Variants in MYT1L observed in about 807,000 individuals in gnomAD.
MYT1L encodes myelin transcription factor 1 like.
MYT1L carries 12 observed loss-of-function variants against 126.7 expected under a neutral mutation model. The observed-to-expected ratio is 0.09, with a 90% confidence interval of 0.06 to 0.15. The LOEUF (loss-of-function observed/expected upper bound fraction) is 0.15, where lower values mean the gene tolerates loss of function less well. Among genes scored for constraint, MYT1L ranks in the 10% least tolerant of loss-of-function variants. The pLI is 1.00. For synonymous variants in MYT1L, 541 were observed against 604.2 expected (o/e 0.90, Z 1.53); for missense variants, 979 against 1,585.2 (o/e 0.62, Z 6.49).
At chr2:2,222,145 A>AAT (rs1174238165) in intron 2 of MYT1L, among the ~76,000 whole-genome samples, 1 of 152,172 alleles carries the variant, frequency 6.6e-6, no homozygotes, top group Admixed American at 6.5e-5. Context: ...TGAAAAATAT[A>AAT]ATATATATTT....
intron 3 of MYT1L, among the ~76,000 whole-genome samples, chr2:2,099,844 T>G (rs567212611): frequency 7.2e-5 from 11 of 152,334 alleles, no homozygotes; most frequent in Middle Eastern, 3.4e-3. Flanking sequence ...AAGTGTAGCT[T>G]AAGTTATACC....
At chr2:1,802,796 C>T (rs1354957457) in intron 22 of MYT1L, among the ~76,000 whole-genome samples, 1 of 152,220 alleles carries the variant, frequency 6.6e-6, no homozygotes, top group Non-Finnish European at 1.5e-5. Flanking sequence ...TGGGTGTACA[C>T]AGAAGGAGAG....
chr2:1,964,511 T>C (rs989202495), intron 8 of MYT1L, among the ~76,000 whole-genome samples: 2 of 152,172 alleles, frequency 1.3e-5, no homozygotes, highest in Non-Finnish European at 2.9e-5. Context: ...ATAAACAGGG[T>C]GTGCCTGTAA....
At chr2:1,820,282 C>T (rs571845441) in intron 21 of MYT1L, among the ~76,000 whole-genome samples, 2 of 152,312 alleles carry the variant, frequency 1.3e-5, no homozygotes, top group Admixed American at 6.5e-5. Context: ...ATTCTTGTTT[C>T]CAGCATTGCT....
At chr2:1,800,867 C>A (rs564005624) in intron 23 of MYT1L, among the ~76,000 whole-genome samples, 1 of 152,056 alleles carries the variant, frequency 6.6e-6, no homozygotes, top group African/African-American at 2.4e-5. Flanking sequence ...AACCTCATCA[C>A]ACCGTGGCCT....
At chr2:2,187,314 C>T (rs1572276859) in intron 2 of MYT1L, among the ~76,000 whole-genome samples, 1 of 152,060 alleles carries the variant, frequency 6.6e-6, no homozygotes, top group East Asian at 1.9e-4. Flanking sequence ...CCAGCAATCA[C>T]GGGCACAATG....
chr2:2,162,773 T>C (rs1306634172), intron 3 of MYT1L, among the ~76,000 whole-genome samples: 3 of 152,208 alleles, frequency 2.0e-5, no homozygotes, highest in East Asian at 1.9e-4. Flanking sequence ...CATTTCTGAA[T>C]TCATGTTTTA....
intron 5 of MYT1L, among the ~76,000 whole-genome samples, chr2:1,992,626 A>G (rs1307947400): frequency 2.0e-5 from 3 of 152,184 alleles, no homozygotes; most frequent in Admixed American, 1.3e-4. Flanking sequence ...ATCTGACTTA[A>G]CCCACTCCAT....
intron 4 of MYT1L, among the ~76,000 whole-genome samples, chr2:2,003,199 G>C (rs565613088): frequency 1.3e-5 from 2 of 152,038 alleles, no homozygotes; most frequent in African/African-American, 2.4e-5. Context: ...TGCTCTGCAT[G>C]GGGGGCATCT....
chr2:1,872,748 C>T (rs960806454), intron 18 of MYT1L, among the ~76,000 whole-genome samples: 1 of 152,192 alleles, frequency 6.6e-6, no homozygotes, highest in Non-Finnish European at 1.5e-5. Flanking sequence ...CATTCATGGG[C>T]TGGTTCTTAC....
At chr2:2,021,006 C>T (rs1465207658) in intron 4 of MYT1L, among the ~76,000 whole-genome samples, 1 of 152,208 alleles carries the variant, frequency 6.6e-6, no homozygotes, top group East Asian at 1.9e-4. Flanking sequence ...GAGTCTGCGT[C>T]CTCAGGGTCC....
chr2:1,905,924 G>A (rs541405586), intron 13 of MYT1L, among the ~76,000 whole-genome samples: 23 of 152,246 alleles, frequency 1.5e-4, no homozygotes, highest in African/African-American at 5.3e-4. Flanking sequence ...ATTCTTGTGT[G>A]TCTGAATAAA....
intron 21 of MYT1L, chr2:1,827,439 G>A (rs2148225164): frequency 6.6e-6 from 1 of 152,294 alleles, no homozygotes; most frequent in East Asian, 1.9e-4. Flanking sequence ...CCCTGGCAAT[G>A]TGGTCCTCAT....
chr2:2,294,973 T>C lies in MYT1L; in HGVS notation c.-520-10470A>G, dbSNP rs111754323. On this transcript the variant is annotated intron_variant, in intron 1 of 24. Transcript: ENST00000647738. Reference sequence around the variant, plus strand: ...GTGATGTTCTTTTTTTTTTAGGTGGTGATCTCCCCTTCAATCTAGGTATTC... The same window carrying C: ...GTGATGTTCTTTTTTTTTTAGGTGGCGATCTCCCCTTCAATCTAGGTATTC... Among the ~76,000 whole-genome samples the C allele has an allele frequency of 9.6e-3, 1,462 of 152,176 alleles. 21 individuals are homozygous for C. The highest frequency in any genetic ancestry group is 0.033 in the African/African-American group (1,389 of 41,488).
chr2:2,052,120 A>G (rs1199964992), intron 4 of MYT1L, among the ~76,000 whole-genome samples: 1 of 152,230 alleles, frequency 6.6e-6, no homozygotes, highest in Non-Finnish European at 1.5e-5. Flanking sequence ...AGAACAGAAT[A>G]GAGAACCCAG....
chr2:2,171,538 T>G (rs2090050475), intron 3 of MYT1L, among the ~76,000 whole-genome samples: 1 of 152,170 alleles, frequency 6.6e-6, no homozygotes. Flanking sequence ...ACACCTACAG[T>G]TCAGAAACTT....
At position 1,937,576 on chromosome 2, in the gene MYT1L, C is replaced by G. The variant is rs1283898915; in HGVS notation, c.505+5406G>C. ...CACAGTGAGAAGGCCCTAATGTCCA[C>G]AGCCATCAGATCGCAAGTCGAGAAG... is the stretch of plus-strand genomic sequence containing the variant. On this transcript the variant is annotated intron_variant, in intron 9 of 24. Transcript: ENST00000647738. Among the ~76,000 whole-genome samples the G allele has an allele frequency of 8.6e-5, 13 of 151,576 alleles. No homozygotes were observed. In the East Asian group the frequency reaches 2.5e-3, roughly 29 times the overall value.
At chr2:2,016,284 C>T (rs1471508497) in intron 4 of MYT1L, among the ~76,000 whole-genome samples, 1 of 152,310 alleles carries the variant, frequency 6.6e-6, no homozygotes, top group East Asian at 1.9e-4. Context: ...GACACCAGAA[C>T]ACAGAGCAAG....
chr2:1,999,348 C>G (rs2062152975), intron 4 of MYT1L, among the ~76,000 whole-genome samples: 1 of 152,124 alleles, frequency 6.6e-6, no homozygotes, highest in African/African-American at 2.4e-5. Context: ...AGGGCTGAGT[C>G]TCTGGCACTC....
Sources: gnomAD v4.1 joint callset for allele counts (sites outside exome capture counted in the v4.1 genomes callset) on GRCh38, gnomAD v4.1.1 for gene constraint, MANE v1.5 for transcripts, NCBI Gene and HGNC (gene_info 2026-07-23, HGNC 2026-07-21) for gene names.